CAP2: variants seen among roughly 807,000 people sequenced by gnomAD.
The protein encoded by CAP2 is cyclase associated actin cytoskeleton regulatory protein 2, also known as adenylyl cyclase-associated protein 2.
Under a neutral mutation model 57.7 loss-of-function variants are expected in CAP2, and 24 were observed. That is an observed-to-expected ratio of 0.42 (90% CI 0.30 to 0.58). The LOEUF (loss-of-function observed/expected upper bound fraction) is 0.58, where lower values mean the gene tolerates loss of function less well. Ranked by LOEUF, CAP2 falls within the 20% of genes least tolerant of loss-of-function variation. The pLI is 0.22. For synonymous variants in CAP2, 194 were observed against 207.2 expected (o/e 0.94, Z 0.55); for missense variants, 501 against 590.3 (o/e 0.85, Z 1.57).
intron 3 of CAP2, among the ~76,000 whole-genome samples, chr6:17,431,264 T>G (rs908232587): frequency 6.6e-6 from 1 of 152,104 alleles, no homozygotes; most frequent in Non-Finnish European, 1.5e-5. Flanking sequence ...AAAATTTACC[T>G]ACATAACAAA....
chr6:17,408,055 T>G (rs907697713), intron 1 of CAP2, among the ~76,000 whole-genome samples: 1 of 152,184 alleles, frequency 6.6e-6, no homozygotes, highest in Admixed American at 6.5e-5. Flanking sequence ...TGCTGGTAAA[T>G]TTTGAGATTA....
Position 17,556,400 on chromosome 6 carries a change from T to G in CAP2, c.1392T>G (p.Asp464Glu), listed in dbSNP as rs1377012684. The G allele has an allele frequency of 6.2e-7, 1 of 1,613,944 alleles. No individual in the cohort carries two copies. The highest frequency in any genetic ancestry group is 1.3e-5 in the African/African-American group (1 of 74,924). ...CTGAACAGTTCAAGACAGCATGGGA[T>G]GGATCCAAGTTAATCACTGAACCTG... ...PIPEQFKTAWDGSKLITEPAE... is the reference protein window; with the variant it reads ...PIPEQFKTAWEGSKLITEPAE... Residue 464 changes from aspartate (D) to glutamate (E), a missense_variant, in exon 13 of 13, where the codon GAT becomes GAG. Physicochemically the swap from Asp to Glu is conservative, Grantham distance 45 (BLOSUM62 2). Coordinates refer to ENST00000229922, the MANE Select transcript of CAP2 (RefSeq NM_006366.3).
intron 11 of CAP2, among the ~76,000 whole-genome samples, chr6:17,549,332 G>A (rs191477828): frequency 2.6e-5 from 4 of 152,032 alleles, no homozygotes; most frequent in Admixed American, 2.6e-4. Context: ...GCATGGTGAC[G>A]CATGCCTATA....
intron 1 of CAP2, among the ~76,000 whole-genome samples, chr6:17,397,642 C>G (rs537452850): frequency 6.8e-6 from 1 of 147,772 alleles, no homozygotes; most frequent in African/African-American, 2.5e-5. Flanking sequence ...TTGCAGTGAG[C>G]CGAGATCGCG....
At chr6:17,455,129 G>A (rs927135848) in intron 3 of CAP2, among the ~76,000 whole-genome samples, 2 of 152,066 alleles carry the variant, frequency 1.3e-5, no homozygotes, top group Admixed American at 1.3e-4. Flanking sequence ...ACCAAGGAAC[G>A]GCAATCTCCC....
intron 4 of CAP2, among the ~76,000 whole-genome samples, chr6:17,506,646 A>C (rs552424117): frequency 6.6e-6 from 1 of 152,208 alleles, no homozygotes; most frequent in Non-Finnish European, 1.5e-5. Flanking sequence ...TCAAAAAAAA[A>C]AAAGGGTTGC....
In CAP2 at chr6:17,418,668, C is replaced by A. The variant is rs1041293816; in HGVS notation, c.-1-2887C>A. On this transcript the variant is annotated intron_variant, in intron 1 of 12. Coordinates refer to ENST00000229922, the MANE Select transcript of CAP2 (RefSeq NM_006366.3). ...AATAGAGGCTTGCTAACAAAGCAAA[C>A]ATTTTTTTTTTCTATCGCAGGCTAG... Among the ~76,000 whole-genome samples, 66 of 146,052 alleles carry A rather than the reference C, an allele frequency of 4.5e-4. No homozygotes were observed. In the South Asian group the frequency reaches 0.014, roughly 30 times the overall value.
At chr6:17,511,292 CA>C (rs891307451) in intron 6 of CAP2, among the ~76,000 whole-genome samples, 1 of 152,056 alleles carries the variant, frequency 6.6e-6, no homozygotes, top group Non-Finnish European at 1.5e-5. Context: ...CTCTGTGTCG[CA>C]GTCATTTGTG....
intron 1 of CAP2, among the ~76,000 whole-genome samples, chr6:17,410,120 T>A (rs1759099643): frequency 6.6e-6 from 1 of 152,260 alleles, no homozygotes; most frequent in African/African-American, 2.4e-5. Flanking sequence ...ACTCTCATCT[T>A]TGAGACTTAA....
Position 17,527,293 on chromosome 6 carries a change from G to A in CAP2, c.637-11976G>A, listed in dbSNP as rs545519144. 4.5e-4 allele frequency among the ~76,000 whole-genome samples: 68 copies of A among 152,202 alleles called. 1 individual carries two copies. The highest frequency in any genetic ancestry group is 1.5e-3 in the African/African-American group (64 of 41,534). ...TAATTCAAGCCACATGTCCCTCTTG[G>A]TCTTTATATAACTGTTGGGCCTCTT... On this transcript the variant is annotated intron_variant, in intron 7 of 12. Coordinates refer to ENST00000229922, the MANE Select transcript of CAP2 (RefSeq NM_006366.3).
intron 7 of CAP2, 87 bp downstream of exon 7, chr6:17,514,041 C>A (rs986157763): frequency 2.3e-6 from 2 of 853,288 alleles, no homozygotes; most frequent in South Asian, 1.4e-5. Flanking sequence ...CACCTTAAAA[C>A]TTACCTCAAG....
chr6:17,409,059 T>C (rs1759067067), intron 1 of CAP2, among the ~76,000 whole-genome samples: 1 of 151,446 alleles, frequency 6.6e-6, no homozygotes, highest in African/African-American at 2.4e-5. Flanking sequence ...GTGCTTGTTC[T>C]GTGGCCTGGT....
chr6:17,499,651 C>A (rs994714324), intron 4 of CAP2, among the ~76,000 whole-genome samples: 1 of 151,894 alleles, frequency 6.6e-6, no homozygotes, highest in Non-Finnish European at 1.5e-5. Flanking sequence ...GAGTTCAAGA[C>A]CAGCCTGGGC....
chr6:17,496,030 G>GGGGGC (rs1561804638), intron 4 of CAP2, among the ~76,000 whole-genome samples: 2 of 41,182 alleles, frequency 4.9e-5, no homozygotes, highest in African/African-American at 6.7e-5. Flanking sequence ...GTGTGGGTGG[G>GGGGGC]GGGGGGGGGT....
At chr6:17,413,273 C>A (rs1022133106) in intron 1 of CAP2, among the ~76,000 whole-genome samples, 1 of 152,136 alleles carries the variant, frequency 6.6e-6, no homozygotes, top group East Asian at 1.9e-4. Flanking sequence ...TCTGATTACA[C>A]CATCTCAAAA....
chr6:17,429,558 G>A (rs1392669489), intron 3 of CAP2, among the ~76,000 whole-genome samples: 2 of 152,126 alleles, frequency 1.3e-5, no homozygotes, highest in South Asian at 4.2e-4. Context: ...GTGTAGCTTG[G>A]TTAATATTAA....
chr6:17,557,664 C>T lies in CAP2; in HGVS notation c.*1222C>T, dbSNP rs1763345872. The T allele has an allele frequency of 6.6e-6, 1 of 152,110 alleles. No individual in the cohort carries two copies. Among genetic ancestry groups the T allele is most frequent in the Non-Finnish European group, 1.5e-5 (1 of 68,014 alleles). 9.4% of individuals were successfully genotyped at this position (152,110 alleles called of 1,614,324 possible). A position where few individuals can be genotyped will look rare whatever the true frequency, so the allele number is the denominator to read the frequency against. On this transcript the variant is annotated 3_prime_UTR_variant, in exon 13 of 13. Transcript: ENST00000229922. ...ATATAGTATTCAAATTATTAATGCT[C>T]ATGTACCAAGGTTTTGCTATAAAAG...
chr6:17,420,105 C>T (rs1355427834), intron 1 of CAP2, among the ~76,000 whole-genome samples: 1 of 151,928 alleles, frequency 6.6e-6, no homozygotes, highest in Non-Finnish European at 1.5e-5. Context: ...CTCCTGACTT[C>T]GTGATCCGCC....
rs543117425 is a variant in CAP2 at position 17,450,245 on chromosome 6, G to A, written c.223-12751G>A. On this transcript the variant is annotated intron_variant, in intron 3 of 12. Coordinates refer to ENST00000229922, the MANE Select transcript of CAP2 (RefSeq NM_006366.3). ...TTTTGGTATTTTTAGTAGAGACGGGGTTTCACCATTTTAGCCAGGATGGTC... is the reference window on the plus strand; with the variant it reads ...TTTTGGTATTTTTAGTAGAGACGGGATTTCACCATTTTAGCCAGGATGGTC... Among the ~76,000 whole-genome samples, 1,026 of 152,074 alleles carry A rather than the reference G, an allele frequency of 6.7e-3. 2 individuals are homozygous for A. The highest frequency in any genetic ancestry group is 0.011 in the Non-Finnish European group (764 of 67,972).
Sources: gnomAD v4.1 joint callset for allele counts (sites outside exome capture counted in the v4.1 genomes callset) on GRCh38, gnomAD v4.1.1 for gene constraint, MANE v1.5 for transcripts, NCBI Gene and HGNC (gene_info 2026-07-23, HGNC 2026-07-21) for gene names.